The following ZER1 variants were observed in gnomAD, a reference collection of about 807,000 sequenced individuals.
ZER1 encodes zyg-11 related cell cycle regulator, also known as protein zer-1 homolog.
A neutral mutation model predicts 78.8 loss-of-function variants in ZER1; 11 were observed. The observed-to-expected ratio is 0.14, with a 90% CI of 0.09 to 0.23. The LOEUF (loss-of-function observed/expected upper bound fraction) is 0.23, where lower values mean the gene tolerates loss of function less well. ZER1 is among the 10% of genes least tolerant of loss of function. The pLI is 1.00. For missense variants in ZER1, 588 were observed against 996.9 expected, an observed-to-expected ratio of 0.59 and a Z score of 5.52; for synonymous variants, 400 against 407.0, an observed-to-expected ratio of 0.98 and a Z score of 0.21.
intron 8 of ZER1, among the ~76,000 whole-genome samples, chr9:128,743,947 G>A (rs1284888018): frequency 1.3e-5 from 2 of 148,644 alleles, no homozygotes; most frequent in African/African-American, 5.0e-5. Context: ...CGCCCAGGGT[G>A]GAGTGCAGTG....
In ZER1 at chr9:128,740,382, A is replaced by G. The variant is rs955835148; in HGVS notation, c.1854-263T>C. ...ATCACGAGGTCCGGAGATCGAGACC[A>G]TCCTGGCTAACATGGTGAAACCCCA... On this transcript the variant is annotated intron_variant, in intron 12 of 15. Transcript: ENST00000291900. This position sits in a 1 kb window ranked among gnomAD's most constrained non-coding sequence, Gnocchi z 4.4. Among the ~76,000 whole-genome samples the G allele has an allele frequency of 6.6e-6, 1 of 152,174 alleles. No individual in the cohort carries two copies. Among genetic ancestry groups the G allele is most frequent in the Admixed American group, 6.6e-5 (1 of 15,262 alleles).
In ZER1 at chr9:128,740,721, C is replaced by T. The variant is rs1863264051; in HGVS notation, c.1853+51G>A. On this transcript the variant is annotated intron_variant, in intron 12 of 15. Coordinates refer to ENST00000291900, the MANE Select transcript of ZER1 (RefSeq NM_006336.4). This position sits in a 1 kb window ranked among gnomAD's most constrained non-coding sequence, Gnocchi z 4.4. ...GTGCAACTGAGCAAACGCTAGAGCT[C>T]TGAGCATTGTGGCAGCTAAGGCAAA... 2 of 775,818 alleles carry T rather than the reference C, an allele frequency of 2.6e-6. No individual in the cohort carries two copies. The highest frequency in any genetic ancestry group is 4.9e-5 in the East Asian group (2 of 41,172). 48.1% of individuals were successfully genotyped at this position (775,818 alleles called of 1,614,324 possible).
intron 8 of ZER1, 142 bp from the exon 9 acceptor site, chr9:128,742,887 T>C (rs1863351685): frequency 1.3e-6 from 1 of 779,200 alleles, no homozygotes; most frequent in Non-Finnish European, 2.0e-6. Context: ...ATACAAGTCT[T>C]CTCTAAAAAA....
chr9:128,744,296 A>G (rs540447535), intron 8 of ZER1, among the ~76,000 whole-genome samples: 1 of 152,058 alleles, frequency 6.6e-6, no homozygotes, highest in South Asian at 2.1e-4. Context: ...GGTCCAAGCG[A>G]TTCTCCTGCC....
At chr9:128,750,573 G>A in intron 8 of ZER1, 43 bp downstream of exon 8, 1 of 1,601,076 alleles carries the variant, frequency 6.2e-7, no homozygotes, top group African/African-American at 1.3e-5. Context: ...GGAAAGGGGT[G>A]GCTGGGCCAG....
intron 8 of ZER1, among the ~76,000 whole-genome samples, chr9:128,745,523 A>T (rs1305231264): frequency 6.6e-6 from 1 of 151,400 alleles, no homozygotes; most frequent in African/African-American, 2.4e-5. Context: ...ATGCCTGGCT[A>T]ATTTTTGTAT....
Position 128,753,645 on chromosome 9 carries a change from T to C in ZER1, c.310-45A>G, listed in dbSNP as rs770788440. 29 of 1,594,680 alleles carry C rather than the reference T, an allele frequency of 1.8e-5. No individual in the cohort carries two copies. Among genetic ancestry groups the C allele is most frequent in the Middle Eastern group, 3.3e-4 (2 of 6,010 alleles). ...CATCATCATCACCACCCTTGCCCCT[T>C]CCCCCGGCCCCAGGCCTTGCCCTGG... On this transcript the variant is annotated intron_variant, in intron 3 of 15. Transcript: ENST00000291900. The surrounding 1 kb of genome is among the most constrained non-coding windows in gnomAD (Gnocchi z 7.5).
intron 15 of ZER1, among the ~76,000 whole-genome samples, chr9:128,731,604 A>G (rs1168253100): frequency 6.6e-6 from 1 of 152,158 alleles, no homozygotes; most frequent in Non-Finnish European, 1.5e-5. Flanking sequence ...ATCACCAGCC[A>G]TCCTCCGCTT....
At chr9:128,764,201 C>T (rs1293994959) in intron 1 of ZER1, among the ~76,000 whole-genome samples, 2 of 152,092 alleles carry the variant, frequency 1.3e-5, no homozygotes, top group African/African-American at 4.8e-5. Flanking sequence ...CAATGTGGGG[C>T]CTGCCACAAG....
intron 1 of ZER1, among the ~76,000 whole-genome samples, chr9:128,761,151 C>T (rs1321866947): frequency 7.3e-6 from 1 of 136,718 alleles, no homozygotes; most frequent in East Asian, 2.5e-4. Context: ...GAGCCAGACT[C>T]TGTCTCAAAA....
At chr9:128,765,605 G>A (rs1864183009) in intron 1 of ZER1, among the ~76,000 whole-genome samples, 1 of 152,232 alleles carries the variant, frequency 6.6e-6, no homozygotes, top group Admixed American at 6.6e-5. Context: ...CCAGAGGACA[G>A]AGAGGTTGGG....
chr9:128,766,647 C>A (rs987861493), intron 1 of ZER1, among the ~76,000 whole-genome samples: 1 of 150,852 alleles, frequency 6.6e-6, no homozygotes, highest in Non-Finnish European at 1.5e-5. Flanking sequence ...GGAGTTCGAG[C>A]CCAGCCTGGC....
intron 1 of ZER1, among the ~76,000 whole-genome samples, chr9:128,768,535 C>T (rs1437543912): frequency 6.6e-6 from 1 of 152,126 alleles, no homozygotes; most frequent in Admixed American, 6.6e-5. Context: ...ACAGCAGAGC[C>T]GGGATTTGAA....
chr9:128,754,980 C>T lies in ZER1; in HGVS notation c.158+428G>A, dbSNP rs751766591. Among the ~76,000 whole-genome samples the T allele has an allele frequency of 4.6e-5, 7 of 152,218 alleles. No individual in the cohort carries two copies. The highest frequency in any genetic ancestry group is 1.0e-4 in the Non-Finnish European group (7 of 68,042). On this transcript the variant is annotated intron_variant, in intron 2 of 15. Transcript: ENST00000291900. The surrounding 1 kb of genome is among the most constrained non-coding windows in gnomAD (Gnocchi z 4.3). ...TCCGTTATTCTGGCACCGGCATGTA[C>T]ATGCATATGTGGCCATGCTCACTGA...
intron 1 of ZER1, among the ~76,000 whole-genome samples, chr9:128,762,014 A>C (rs547763757): frequency 6.6e-6 from 1 of 152,316 alleles, no homozygotes; most frequent in East Asian, 1.9e-4. Flanking sequence ...AAGCTTGTCC[A>C]ACCTGTGGTC....
rs553782676 is a variant in ZER1, at chr9:128,755,911, G to A, written c.-94-252C>T. ...CCTGTGAGCAGACGTGTGTGCTGGG[G>A]ACCCAGTGCTTGGGTGGGGATAATA... On this transcript the variant is annotated intron_variant, in intron 1 of 15. Coordinates refer to ENST00000291900, the MANE Select transcript of ZER1 (RefSeq NM_006336.4). This position sits in a 1 kb window ranked among gnomAD's most constrained non-coding sequence, Gnocchi z 5.6. Among the ~76,000 whole-genome samples the A allele has an allele frequency of 1.3e-3, 194 of 152,216 alleles. No homozygotes were observed. The highest frequency in any genetic ancestry group is 2.6e-3 in the Admixed American group (39 of 15,282).
Position 128,755,325 on chromosome 9 carries a change from C to T in ZER1, c.158+83G>A. 6.4e-7 allele frequency: 1 copy of T among 1,564,012 alleles called. No individual in the cohort carries two copies. The highest frequency in any genetic ancestry group is 2.3e-5 in the East Asian group (1 of 44,118). ...CACATTCATCTCCATAGCTACTCCC[C>T]ACATAGTGCACACACGGTCCCAATC... On this transcript the variant is annotated intron_variant, in intron 2 of 15. Coordinates refer to ENST00000291900, the MANE Select transcript of ZER1 (RefSeq NM_006336.4). This position sits in a 1 kb window ranked among gnomAD's most constrained non-coding sequence, Gnocchi z 5.6.
In ZER1 at chr9:128,755,304, T is replaced by G; in HGVS notation, c.158+104A>C. The G allele has an allele frequency of 6.7e-7, 1 of 1,488,020 alleles. No individual in the cohort carries two copies. The highest frequency in any genetic ancestry group is 9.2e-7 in the Non-Finnish European group (1 of 1,082,798). The allele number at this position is 1,488,020 out of a possible 1,614,324, so 92.2% of individuals were successfully genotyped here. A position where few individuals can be genotyped will look rare whatever the true frequency, so the allele number is the denominator to read the frequency against. Reference sequence around the variant, plus strand: ...GTGCACACACACACACCCTCACACATTCATCTCCATAGCTACTCCCCACAT... The same window carrying G: ...GTGCACACACACACACCCTCACACAGTCATCTCCATAGCTACTCCCCACAT... On this transcript the variant is annotated intron_variant, in intron 2 of 15. Transcript: ENST00000291900. This position sits in a 1 kb window ranked among gnomAD's most constrained non-coding sequence, Gnocchi z 5.6.
intron 1 of ZER1, among the ~76,000 whole-genome samples, chr9:128,765,682 G>A (rs943770845): frequency 1.3e-5 from 2 of 152,242 alleles, no homozygotes; most frequent in East Asian, 1.9e-4. Context: ...GAGCTGGGGG[G>A]AAAACCCAAA....
Sources: gnomAD v4.1 joint callset for allele counts (sites outside exome capture counted in the v4.1 genomes callset) on GRCh38, gnomAD v4.1.1 for gene constraint, Gnocchi (gnomAD v3.1) non-coding constraint, MANE v1.5 for transcripts, NCBI Gene and HGNC (gene_info 2026-07-23, HGNC 2026-07-21) for gene names.